IL4I1: variants seen among roughly 807,000 people sequenced by gnomAD.
IL4I1 encodes L-amino-acid oxidase.
IL4I1 carries 24 observed loss-of-function variants against 29.7 expected under a neutral mutation model. The ratio of observed to expected loss-of-function variants is 0.81; its 90% confidence interval spans 0.59 to 1.14. The LOEUF is 1.14. Among genes scored for constraint, IL4I1 ranks in the 50% most tolerant of loss-of-function variants. The pLI, the probability that IL4I1 is intolerant of heterozygous loss-of-function variation, is 0.00. For missense variants in IL4I1, 686 were observed against 785.6 expected, an observed-to-expected ratio of 0.87 and a Z score of 1.52; for synonymous variants, 371 against 352.5, an observed-to-expected ratio of 1.05 and a Z score of -0.59.
intron 2 of IL4I1, among the ~76,000 whole-genome samples, chr19:49,915,149 T>A (rs1455380538): frequency 6.6e-6 from 1 of 152,068 alleles, no homozygotes; most frequent in East Asian, 1.9e-4. Flanking sequence ...GGATGTGTGC[T>A]ATGTGTGTGG....
intron 4 of IL4I1, among the ~76,000 whole-genome samples, chr19:49,894,830 G>A (rs1243364072): frequency 1.3e-5 from 2 of 151,966 alleles, no homozygotes; most frequent in Admixed American, 6.5e-5. Flanking sequence ...GCCAGCACAG[G>A]AGCTGGCTTT....
upstream of IL4I1, among the ~76,000 whole-genome samples, chr19:49,900,268 G>C (rs997171444): frequency 6.6e-6 from 1 of 152,172 alleles, no homozygotes; most frequent in African/African-American, 2.4e-5. Flanking sequence ...CCCCAGTGAA[G>C]AGCAGAGGGC....
chr19:49,890,928 T>TGGCG, intron 7 of IL4I1, 43 bp downstream of exon 7: 1 of 633,208 alleles, frequency 1.6e-6, no homozygotes, highest in Non-Finnish European at 2.4e-6. Context: ...TTTCCCTGAT[T>TGGCG]GCCCCCCGCC....
At chr19:49,929,251 C>T (rs2076002408) in intron 1 of IL4I1, 1 of 153,616 alleles carries the variant, frequency 6.5e-6, no homozygotes, top group African/African-American at 2.4e-5. Context: ...AGTGTCGCCG[C>T]CTCTGCCTGC....
chr19:49,920,635 G>A (rs970191947), intron 2 of IL4I1, among the ~76,000 whole-genome samples: 2 of 152,202 alleles, frequency 1.3e-5, no homozygotes, highest in African/African-American at 4.8e-5. Context: ...TTACCCCGAG[G>A]GCAACGGCTC....
chr19:49,903,292 C>T (rs565763785), intron 3 of IL4I1, among the ~76,000 whole-genome samples: 18 of 152,182 alleles, frequency 1.2e-4, no homozygotes, highest in Non-Finnish European at 2.1e-4. Context: ...ATCACGGCAG[C>T]GCACCCGGTC....
chr19:49,914,781 C>T (rs111928045), intron 2 of IL4I1, among the ~76,000 whole-genome samples: 26,016 of 136,704 alleles, frequency 0.19, 2,734 homozygotes, highest in Middle Eastern at 0.25. Context: ...GCTCTGCCAC[C>T]CAGGCTGGAG....
At position 49,892,077 on chromosome 19, in the gene IL4I1, CTTTTTTTTTT is replaced by C. The variant is rs773013384; in HGVS notation, c.568-614_568-605del. Among the ~76,000 whole-genome samples, 101 of 120,186 alleles carry C rather than the reference CTTTTTTTTTT, an allele frequency of 8.4e-4. No individual in the cohort carries two copies. The South Asian group carries it at 8.7e-3, about 10-fold the overall frequency. 78.8% of individuals were successfully genotyped at this position (120,186 alleles called of 152,430 possible). A position where few individuals can be genotyped will look rare whatever the true frequency, so the allele number is the denominator to read the frequency against. ...AAGGCCCCTGCTAGCCCCTCAATGT[CTTTTTTTTTT>C]TTTTTTTTTTTTGAGATGGAGTGTC... On this transcript the variant is annotated intron_variant, in intron 5 of 7. Coordinates refer to ENST00000391826, the MANE Select transcript of IL4I1 (RefSeq NM_152899.2).
intron 3 of IL4I1, among the ~76,000 whole-genome samples, chr19:49,895,410 G>A (rs916337446): frequency 2.6e-5 from 4 of 152,166 alleles, no homozygotes; most frequent in East Asian, 1.9e-4. Flanking sequence ...TTCCCAGCTC[G>A]GGGAGTTCGG....
At chr19:49,915,489 C>T (rs1272755709) in intron 2 of IL4I1, among the ~76,000 whole-genome samples, 1 of 152,226 alleles carries the variant, frequency 6.6e-6, no homozygotes, top group Non-Finnish European at 1.5e-5. Flanking sequence ...AGGAACTACA[C>T]ACCATGCACC....
upstream of IL4I1, among the ~76,000 whole-genome samples, chr19:49,897,907 C>A (rs183544882): frequency 5.3e-3 from 798 of 151,468 alleles, 5 homozygotes; most frequent in Non-Finnish European, 9.1e-3. Context: ...CGGTTATGGC[C>A]GGGAGGGGCT....
intron 2 of IL4I1, 46 bp from the exon 3 acceptor site, chr19:49,896,099 G>C: frequency 6.3e-7 from 1 of 1,588,632 alleles, no homozygotes; most frequent in Non-Finnish European, 8.6e-7. Context: ...CAGGTCGGGG[G>C]AGAGGGGTTC....
At chr19:49,903,729 T>C (rs2075290465) in intron 3 of IL4I1, among the ~76,000 whole-genome samples, 1 of 150,886 alleles carries the variant, frequency 6.6e-6, no homozygotes, top group Non-Finnish European at 1.5e-5. Context: ...CACTCATTAC[T>C]AAAAAATAAA....
chr19:49,897,593 C>T (rs751235907), upstream of IL4I1, among the ~76,000 whole-genome samples: 8 of 152,188 alleles, frequency 5.3e-5, no homozygotes, highest in South Asian at 2.1e-4. Flanking sequence ...CTGCTGTGGC[C>T]GCAGGGGCAC....
intron 2 of IL4I1, among the ~76,000 whole-genome samples, chr19:49,926,805 C>A (rs949128266): frequency 6.6e-6 from 1 of 151,818 alleles, no homozygotes; most frequent in Non-Finnish European, 1.5e-5. Context: ...TCTAACTGCT[C>A]GACACGGATT....
At chr19:49,914,739 T>TTTTG (rs2075579764) in intron 2 of IL4I1, among the ~76,000 whole-genome samples, 1 of 119,540 alleles carries the variant, frequency 8.4e-6, no homozygotes, top group South Asian at 2.8e-4. Context: ...TTTTTTTTTT[T>TTTTG]TTTTTTTTTT....
At chr19:49,902,247 C>T (rs944692933) in intron 3 of IL4I1, among the ~76,000 whole-genome samples, 1 of 152,200 alleles carries the variant, frequency 6.6e-6, no homozygotes, top group East Asian at 1.9e-4. Context: ...TGATCCCTCC[C>T]ATCTTGGCCT....
intron 2 of IL4I1, among the ~76,000 whole-genome samples, chr19:49,904,556 A>T (rs899132497): frequency 3.3e-5 from 5 of 150,244 alleles, no homozygotes; most frequent in South Asian, 4.2e-4. Flanking sequence ...AGAACTTAAA[A>T]TTTTTTTTTT....
Position 49,894,400 on chromosome 19 carries a change from C to A in IL4I1, c.435G>T (p.Thr145=), listed in dbSNP as rs565836212. The change falls in exon 5 of 8, where the codon ACG becomes ACT. Residue 145 remains threonine, a synonymous_variant. Coordinates refer to ENST00000391826, the MANE Select transcript of IL4I1 (RefSeq NM_152899.2). ...GCTTCACTTCGTGCACCTCCGTCCA[C>A]GTGTTCTTGTCGTACTGGGTGAACT... ...LTKFTQYDKN[T]WTEVHEVKLR... is the part of the protein sequence containing the mutation. 1 of 1,614,236 alleles carries A rather than the reference C, an allele frequency of 6.2e-7. No individual in the cohort carries two copies. Among genetic ancestry groups the A allele is most frequent in the Admixed American group, 1.7e-5 (1 of 60,024 alleles).
Sources: gnomAD v4.1 joint callset for allele counts (sites outside exome capture counted in the v4.1 genomes callset) on GRCh38, gnomAD v4.1.1 for gene constraint, MANE v1.5 for transcripts, NCBI Gene and HGNC (gene_info 2026-07-23, HGNC 2026-07-21) for gene names.